The following GSG1L variants were observed in gnomAD, a reference collection of about 807,000 sequenced individuals.
GSG1L encodes the protein GSG1 like, also known as germ cell-specific gene 1-like protein.
In GSG1L, 24 loss-of-function variants were observed where a neutral mutation model predicts 42.1. The ratio of observed to expected loss-of-function variants is 0.57; its 90% CI spans 0.41 to 0.80. The LOEUF (loss-of-function observed/expected upper bound fraction) is 0.80, where lower values mean the gene tolerates loss of function less well. Ranked by LOEUF, GSG1L falls within the 30% of genes least tolerant of loss-of-function variation. The pLI is 0.00. For missense variants in GSG1L, 445 were observed against 472.2 expected, an observed-to-expected ratio of 0.94 and a Z score of 0.53; for synonymous variants, 215 against 203.5, an observed-to-expected ratio of 1.06 and a Z score of -0.48.
rs1201578125 is a variant in GSG1L at position 28,049,899 on chromosome 16, CTG to C, written c.349+13175_349+13176del. On this transcript the variant is annotated intron_variant, in intron 1 of 6. Coordinates refer to ENST00000447459, the MANE Select transcript of GSG1L (RefSeq NM_001109763.2). The stretch of plus-strand genomic sequence containing the variant: ...CACCTGCAAGAGCTACCTCATGACT[CTG>C]TTTCATGGAATTCAAGCACTACATC... Among the ~76,000 whole-genome samples, 4 of 152,260 alleles carry C rather than the reference CTG, an allele frequency of 2.6e-5. No homozygotes were observed. In the East Asian group the frequency reaches 7.7e-4, roughly 29 times the overall value.
At chr16:27,938,271 C>G (rs1340860448) in intron 2 of GSG1L, among the ~76,000 whole-genome samples, 1 of 151,712 alleles carries the variant, frequency 6.6e-6, no homozygotes, top group South Asian at 2.1e-4. Flanking sequence ...GTAGTCCCAG[C>G]TACTTGGGAG....
chr16:27,860,627 G>A (rs1261914605), intron 3 of GSG1L, among the ~76,000 whole-genome samples: 4 of 152,210 alleles, frequency 2.6e-5, no homozygotes, highest in African/African-American at 9.6e-5. Flanking sequence ...GACTATTGGT[G>A]GGGAGAATTT....
chr16:28,056,969 A>C (rs989011410), intron 1 of GSG1L, among the ~76,000 whole-genome samples: 4 of 152,056 alleles, frequency 2.6e-5, no homozygotes, highest in African/African-American at 9.7e-5. Flanking sequence ...AGAGACTTGT[A>C]CGGGGTTGTC....
At chr16:28,055,352 C>T (rs1304070170) in intron 1 of GSG1L, among the ~76,000 whole-genome samples, 1 of 152,002 alleles carries the variant, frequency 6.6e-6, no homozygotes, top group Non-Finnish European at 1.5e-5. Context: ...AGATGGGGGT[C>T]TTGCTATGTT....
chr16:28,054,820 G>A (rs2086261473), intron 1 of GSG1L, among the ~76,000 whole-genome samples: 1 of 151,840 alleles, frequency 6.6e-6, no homozygotes, highest in Non-Finnish European at 1.5e-5. Context: ...CAGATCAGAT[G>A]TCTTTAAAAA....
At chr16:28,062,877 G>C (rs116795265) in intron 1 of GSG1L, among the ~76,000 whole-genome samples, 199 bp downstream of exon 1, 4,023 of 152,132 alleles carry the variant, frequency 0.026, 189 homozygotes, top group African/African-American at 0.092. Flanking sequence ...GGGGCGTCCC[G>C]CACGTCCCCC....
chr16:28,020,576 T>C (rs1000667580), intron 1 of GSG1L, among the ~76,000 whole-genome samples: 1 of 152,198 alleles, frequency 6.6e-6, no homozygotes, highest in Non-Finnish European at 1.5e-5. Context: ...AGCCAGCCAC[T>C]GTGACCCCTG....
intron 1 of GSG1L, among the ~76,000 whole-genome samples, chr16:28,058,747 G>T (rs549977924): frequency 6.6e-6 from 1 of 151,864 alleles, no homozygotes; most frequent in Non-Finnish European, 1.5e-5. Context: ...ATACTCCCAA[G>T]CACCAAAAAC....
intron 3 of GSG1L, among the ~76,000 whole-genome samples, chr16:27,852,782 C>A (rs1174144038): frequency 6.6e-6 from 1 of 152,132 alleles, no homozygotes; most frequent in Non-Finnish European, 1.5e-5. Flanking sequence ...GGATGGTGAG[C>A]ATGGCTGTGG....
At chr16:27,816,147 T>C (rs1435402199) in intron 5 of GSG1L, among the ~76,000 whole-genome samples, 1 of 152,184 alleles carries the variant, frequency 6.6e-6, no homozygotes, top group Non-Finnish European at 1.5e-5. Flanking sequence ...CACCTCCCAG[T>C]TCCAGAGGTG....
intron 3 of GSG1L, among the ~76,000 whole-genome samples, chr16:27,848,351 G>C (rs2083466553): frequency 6.6e-6 from 1 of 152,134 alleles, no homozygotes; most frequent in South Asian, 2.1e-4. Context: ...GAGGTGCTTG[G>C]GGATGTTGGG....
At chr16:27,795,962 G>T (rs947562014) in intron 6 of GSG1L, among the ~76,000 whole-genome samples, 45 of 152,084 alleles carry the variant, frequency 3.0e-4, no homozygotes, top group Non-Finnish European at 1.0e-4. Context: ...GATTCATTGG[G>T]TTGGGAGGGC....
chr16:27,917,529 C>A (rs973774749), intron 2 of GSG1L, among the ~76,000 whole-genome samples: 1 of 152,100 alleles, frequency 6.6e-6, no homozygotes, highest in Non-Finnish European at 1.5e-5. Flanking sequence ...AGTTAAGAAA[C>A]CCAATCAACC....
intron 1 of GSG1L, among the ~76,000 whole-genome samples, chr16:28,062,033 A>T (rs535334892): frequency 6.6e-6 from 1 of 152,308 alleles, no homozygotes; most frequent in East Asian, 1.9e-4. Context: ...TTGAGCACAC[A>T]CATATGTGTG....
intron 3 of GSG1L, among the ~76,000 whole-genome samples, chr16:27,863,081 T>C (rs905687763): frequency 2.6e-5 from 4 of 152,212 alleles, no homozygotes; most frequent in African/African-American, 4.8e-5. Context: ...TCACTGCTGA[T>C]TTATCTGTTT....
intron 4 of GSG1L, among the ~76,000 whole-genome samples, chr16:27,839,608 G>A (rs2140977474): frequency 6.6e-6 from 1 of 152,332 alleles, no homozygotes; most frequent in South Asian, 2.1e-4. Flanking sequence ...TAAGGCAATA[G>A]GGTGTGGTGG....
chr16:27,840,707 A>G (rs1433384599), intron 4 of GSG1L, among the ~76,000 whole-genome samples: 1 of 152,044 alleles, frequency 6.6e-6, no homozygotes, highest in Non-Finnish European at 1.5e-5. Context: ...ATGCAGCAGG[A>G]GTGACACTGT....
chr16:27,803,177 G>C (rs546756311), intron 6 of GSG1L, among the ~76,000 whole-genome samples: 4 of 151,924 alleles, frequency 2.6e-5, no homozygotes, highest in Non-Finnish European at 5.9e-5. Flanking sequence ...ACTCAAATCA[G>C]TCACTTATCT....
At chr16:28,014,531 TCTCG>T (rs1049874939) in intron 1 of GSG1L, among the ~76,000 whole-genome samples, 41 of 152,050 alleles carry the variant, frequency 2.7e-4, no homozygotes, top group African/African-American at 9.4e-4. Flanking sequence ...AGAGACAGGG[TCTCG>T]CTCTGTCACC....
Sources: gnomAD v4.1 joint callset for allele counts (sites outside exome capture counted in the v4.1 genomes callset) on GRCh38, gnomAD v4.1.1 for gene constraint, MANE v1.5 for transcripts, NCBI Gene and HGNC (gene_info 2026-07-23, HGNC 2026-07-21) for gene names.